The following INAVA variants were observed in gnomAD, a reference collection of about 807,000 sequenced individuals.
The protein encoded by INAVA is innate immunity activator.
In INAVA, 32 loss-of-function variants were observed where a neutral mutation model predicts 55.3. The ratio of observed to expected loss-of-function variants is 0.58; its 90% CI spans 0.44 to 0.78. INAVA has a LOEUF of 0.78. INAVA is among the 30% of genes least tolerant of loss of function. INAVA has a pLI of 0.00. For synonymous variants in INAVA, 294 were observed against 329.4 expected, an observed-to-expected ratio of 0.89 and a Z score of 1.16; for missense variants, 756 against 786.4, an observed-to-expected ratio of 0.96 and a Z score of 0.46.
chr1:200,909,195 C>T (rs1024030732), intron 7 of INAVA, 29 bp from the exon 8 acceptor site: 32 of 1,485,512 alleles, frequency 2.2e-5, no homozygotes, highest in Admixed American at 4.7e-5. Context: ...GGCATTCCTG[C>T]CACTGACCTG....
At chr1:200,912,734 TC>T (rs780121550) in intron 9 of INAVA, among the ~76,000 whole-genome samples, 1 of 152,152 alleles carries the variant, frequency 6.6e-6, no homozygotes, top group Non-Finnish European at 1.5e-5. Context: ...ACCTAGTGTT[TC>T]CTCCCCTGTG....
rs947622054 is a variant in INAVA at position 200,912,034 on chromosome 1, G to T, written c.1541G>T (p.Arg514Leu). ...TGGTGGCACGAGCGTGCACGCCTCC[G>T]GAGCACCCGCCCCCACTCACTGGAC... ...LKWWHERARL[R>L]STRPHSLDRQ... is the part of the protein sequence containing the mutation. Residue 514 changes from arginine to leucine, a missense_variant, in exon 9 of 10, where the codon CGG becomes CTG. This residue lies in a region of INAVA where 117 missense variants were observed against 162.1 expected (regional missense o/e 0.72). Transcript: ENST00000413687. The T allele has an allele frequency of 3.9e-6, 6 of 1,543,724 alleles. No homozygotes were observed. In the East Asian group the frequency reaches 1.2e-4, roughly 31 times the overall value.
At chr1:200,897,386 G>A (rs1668375139) in intron 1 of INAVA, among the ~76,000 whole-genome samples, 1 of 152,196 alleles carries the variant, frequency 6.6e-6, no homozygotes, top group Admixed American at 6.5e-5. Context: ...TTGTTTGAGG[G>A]CTTTGGGACA....
At chr1:200,900,322 T>A in intron 4 of INAVA, 102 bp downstream of exon 4, 1 of 1,023,186 alleles carries the variant, frequency 9.8e-7, no homozygotes, top group South Asian at 1.5e-5. Flanking sequence ...CTTCCACCCT[T>A]TCACACCCAG....
intron 6 of INAVA, chr1:200,908,529 A>T (rs1653583146): frequency 2.0e-6 from 1 of 496,910 alleles, no homozygotes; most frequent in South Asian, 3.6e-5. Context: ...GAAGGCATAA[A>T]ATAGGGCTGT....
chr1:200,894,916 C>T lies in INAVA; in HGVS notation c.-266C>T, dbSNP rs372999932. Reference sequence around the variant, plus strand: ...CCCTGGCCCGGCAGCCTGGGAGGGACGGCAAGGTAGGCAGGTGAGCCGAGA... The same window carrying T: ...CCCTGGCCCGGCAGCCTGGGAGGGATGGCAAGGTAGGCAGGTGAGCCGAGA... On this transcript the variant is annotated 5_prime_UTR_variant, in exon 1 of 10. It adds an upstream start codon to the 5' untranslated region. Transcript: ENST00000413687. The T allele has an allele frequency of 2.9e-5, 29 of 985,718 alleles. No individual in the cohort carries two copies. The highest frequency in any genetic ancestry group is 2.3e-4 in the African/African-American group (13 of 57,308). The allele number at this position is 985,718 out of a possible 1,614,324, so 61.1% of individuals were successfully genotyped here.
At chr1:200,911,109 TAAAAAAGTACTTAATGTAGTACTTTAA>T (rs1653698431) in intron 8 of INAVA, among the ~76,000 whole-genome samples, 2 of 126,962 alleles carry the variant, frequency 1.6e-5, no homozygotes, top group East Asian at 2.1e-4. Context: ...TGTAGTACTT[TAAAAAAGTACTTAATGTAGTACTTTAA>T]AAAAAGTACT....
At chr1:200,898,604 T>G in intron 2 of INAVA, 149 bp downstream of exon 2, 4 of 841,694 alleles carry the variant, frequency 4.8e-6, no homozygotes, top group Non-Finnish European at 7.2e-6. Flanking sequence ...GAGAGGCCTC[T>G]GCTGGGAGGA....
At position 200,911,855 on chromosome 1, in the gene INAVA, C is replaced by T. The variant is rs1169669909; in HGVS notation, c.1362C>T (p.Arg454=). 13 of 1,593,976 alleles carry T rather than the reference C, an allele frequency of 8.2e-6. No homozygotes were observed. Among genetic ancestry groups the T allele is most frequent in the Non-Finnish European group, 1.0e-5 (12 of 1,176,076 alleles). Residue 454 remains arginine (R), a synonymous_variant, in exon 9 of 10, where the codon CGC becomes CGT. Coordinates refer to ENST00000413687, the MANE Select transcript of INAVA (RefSeq NM_001142569.3). ...PLPPGEWELR[R]AAPGPAYEEE... is the part of the protein sequence containing the mutation. ...CGCCTGGCGAGTGGGAGCTGCGCCG[C>T]GCAGCCCCGGGCCCTGCTTACGAGG...
chr1:200,911,329 AC>A, intron 8 of INAVA, 123 bp from the exon 9 acceptor site: 1 of 928,760 alleles, frequency 1.1e-6, no homozygotes, highest in Non-Finnish European at 1.7e-6. Context: ...AGACCCTTGC[AC>A]GAGGGCCATG....
chr1:200,895,163 G>T, intron 1 of INAVA, 76 bp downstream of exon 1: 1 of 976,342 alleles, frequency 1.0e-6, no homozygotes, highest in Non-Finnish European at 1.2e-6. Context: ...CCCAAGCAGT[G>T]GCCATCACCC....
At chr1:200,895,173 C>T (rs2102298736) in intron 1 of INAVA, 86 bp downstream of exon 1, 3 of 947,574 alleles carry the variant, frequency 3.2e-6, no homozygotes, top group Non-Finnish European at 3.8e-6. Flanking sequence ...GGCCATCACC[C>T]CCCTCCGACC....
At chr1:200,896,678 G>C (rs1268557322) in intron 1 of INAVA, among the ~76,000 whole-genome samples, 1 of 152,208 alleles carries the variant, frequency 6.6e-6, no homozygotes, top group Non-Finnish European at 1.5e-5. Context: ...GTTTATGTAG[G>C]TCTATAAAAG....
At chr1:200,895,477 GC>G (rs1668327072) in intron 1 of INAVA, among the ~76,000 whole-genome samples, 1 of 151,964 alleles carries the variant, frequency 6.6e-6, no homozygotes, top group African/African-American at 2.4e-5. Context: ...AGCCGGGTGG[GC>G]TGCTTTTTAG....
At position 200,913,720 on chromosome 1, in the gene INAVA, C is replaced by G. The variant is rs74674609; in HGVS notation, c.*91C>G. The G allele has an allele frequency of 7.4e-3, 7,592 of 1,024,256 alleles. 93 individuals carry two copies. Among genetic ancestry groups the G allele is most frequent in the Admixed American group, 0.068 (2,999 of 43,992 alleles). The allele number at this position is 1,024,256 out of a possible 1,614,324, so 63.4% of individuals were successfully genotyped here. A position where few individuals can be genotyped will look rare whatever the true frequency, so the allele number is the denominator to read the frequency against. ...AGTGCCTCTTTCAGCTCCCCCATCC[C>G]CATCGCAGGCCGATGACCTGGAGCT... On this transcript the variant is annotated 3_prime_UTR_variant, in exon 10 of 10. Transcript: ENST00000413687.
Position 200,908,952 on chromosome 1 carries a change from G to A in INAVA, c.785+12G>A, listed in dbSNP as rs1218577138. 6.2e-7 allele frequency: 1 copy of A among 1,609,866 alleles called. No homozygotes were observed. ...TGGAGCGAGTCCAGGTCAGGATCAG[G>A]GGGAAGGGAGAAGGGCAGGGCAGGG... On this transcript the variant is annotated intron_variant, in intron 7 of 9. Coordinates refer to ENST00000413687, the MANE Select transcript of INAVA (RefSeq NM_001142569.3).
At chr1:200,902,965 A>G (rs758590527) in intron 5 of INAVA, 1 of 152,234 alleles carries the variant, frequency 6.6e-6, no homozygotes, top group African/African-American at 2.4e-5. Context: ...ACAGGTGAAG[A>G]CAGAGCTGTG....
intron 2 of INAVA, 91 bp downstream of exon 2, chr1:200,898,546 C>T (rs1653064073): frequency 2.1e-6 from 3 of 1,412,380 alleles, no homozygotes; most frequent in South Asian, 2.6e-5. Flanking sequence ...CCCTCAGGCA[C>T]TAGGGCTGGC....
At position 200,911,806 on chromosome 1, in the gene INAVA, T is replaced by G; in HGVS notation, c.1313T>G (p.Val438Gly). The G allele has an allele frequency of 6.2e-7, 1 of 1,607,404 alleles. No individual in the cohort carries two copies. Among genetic ancestry groups the G allele is most frequent in the South Asian group, 1.1e-5 (1 of 90,750 alleles). Residue 438 changes from valine to glycine, a missense_variant, in exon 9 of 10, where the codon GTG becomes GGG. Val to Gly is a moderately radical substitution (Grantham distance 109). Coordinates refer to ENST00000413687, the MANE Select transcript of INAVA (RefSeq NM_001142569.3). The stretch of plus-strand genomic sequence containing the variant: ...GGCTATTTCCCGGCGGGGCGGTACG[T>G]GGTGGTGGCTGAGAGCCCCCTGCCG... ...PPGYFPAGRY[V>G]VVAESPLPPG...
Sources: gnomAD v4.1 joint callset for allele counts (sites outside exome capture counted in the v4.1 genomes callset) on GRCh38, gnomAD v4.1.1 for gene constraint, gnomAD v4.1.1 regional missense constraint, MANE v1.5 for transcripts, NCBI Gene and HGNC (gene_info 2026-07-23, HGNC 2026-07-21) for gene names.